Variants in REC8 observed in about 807,000 individuals in gnomAD.
REC8 encodes the protein REC8 meiotic recombination protein, also known as meiotic recombination protein REC8 homolog.
REC8 carries 42 observed loss-of-function variants against 78.3 expected under a neutral mutation model. That is an observed-to-expected ratio of 0.54 (90% CI 0.42 to 0.69). The LOEUF (loss-of-function observed/expected upper bound fraction) is 0.69, where lower values mean the gene tolerates loss of function less well. REC8 is among the 30% of genes least tolerant of loss of function. The pLI, the probability that REC8 is intolerant of heterozygous loss-of-function variation, is 0.00. For synonymous variants in REC8, 268 were observed against 274.1 expected (o/e 0.98, Z 0.22); for missense variants, 581 against 715.8 (o/e 0.81, Z 2.15).
intron 12 of REC8, 114 bp from the exon 13 acceptor site, chr14:24,178,492 G>A: frequency 8.8e-7 from 1 of 1,135,740 alleles, no homozygotes; most frequent in East Asian, 2.4e-5. Context: ...AGGGTCATGA[G>A]CGCAAAAGCT....
chr14:24,177,544 G>A lies in REC8; in HGVS notation c.814+3G>A. On this transcript the variant is annotated splice_donor_region_variant and intron_variant, in intron 10 of 18. Transcript: ENST00000611366. ...GGAACCTGGGGCCCTACTCATGGGT[G>A]AGTGCCCACCATGCCCCAGGGGCTT... The A allele has an allele frequency of 6.2e-7, 1 of 1,612,768 alleles. No homozygotes were observed. Among genetic ancestry groups the A allele is most frequent in the Non-Finnish European group, 8.5e-7 (1 of 1,179,254 alleles).
chr14:24,180,387 T>A, downstream of REC8: 1 of 1,574,114 alleles, frequency 6.4e-7, no homozygotes, highest in Non-Finnish European at 8.6e-7. Flanking sequence ...GGCTGAGAGG[T>A]GGTCTTAAGG....
intron 18 of REC8, 29 bp from the exon 19 acceptor site, chr14:24,179,981 G>T: frequency 6.2e-7 from 1 of 1,614,044 alleles, no homozygotes; most frequent in Admixed American, 1.7e-5. Flanking sequence ...GGACTCCCCC[G>T]ACCTGCCCTC....
chr14:24,180,716 T>C (rs1480111808), downstream of REC8: 2 of 1,614,006 alleles, frequency 1.2e-6, no homozygotes, highest in African/African-American at 1.3e-5. Context: ...TCAGCCAGAA[T>C]GAGGCTGCAG....
chr14:24,177,174 G>C lies in REC8; in HGVS notation c.658G>C (p.Glu220Gln). ...ERELPEVSRRELDLLIAEEEE... is the reference protein window; with the variant it reads ...ERELPEVSRRQLDLLIAEEEE... ...GGAGCTCCCAGAGGTCAGCCGCCGA[G>C]AACTGGACCTGCTGATCGCAGAGGA... is the stretch of plus-strand genomic sequence containing the variant. Residue 220 changes from glutamate to glutamine, a missense_variant, in exon 8 of 19, where the codon GAA becomes CAA. Physicochemically the swap from Glu to Gln is conservative, Grantham distance 29 (BLOSUM62 2). Transcript: ENST00000611366. The C allele has an allele frequency of 1.2e-6, 2 of 1,614,138 alleles. No individual in the cohort carries two copies. The highest frequency in any genetic ancestry group is 1.7e-6 in the Non-Finnish European group (2 of 1,180,026).
Position 24,172,417 on chromosome 14 carries a change from G to C in REC8, c.-136G>C, listed in dbSNP as rs529203297. The C allele has an allele frequency of 1.2e-6, 1 of 851,774 alleles. No homozygotes were observed. The highest frequency in any genetic ancestry group is 2.9e-5 in the Admixed American group (1 of 34,914). 52.8% of individuals were successfully genotyped at this position (851,774 alleles called of 1,614,324 possible). On this transcript the variant is annotated 5_prime_UTR_variant, in exon 1 of 19. Coordinates refer to ENST00000611366, the MANE Select transcript of REC8 (RefSeq NM_001048205.2). ...TTGCCTCATTAACTTGGCTTTCTAG[G>C]TGCACCCACCTTGCCACCAGAGAAG...
intron 5 of REC8, 127 bp downstream of exon 5, chr14:24,173,538 G>A (rs189794401): frequency 2.0e-6 from 3 of 1,522,278 alleles, no homozygotes; most frequent in Admixed American, 3.8e-5. Context: ...GATGGTGCAG[G>A]GGGACTGCCA....
chr14:24,180,628 C>A, downstream of REC8: 3 of 1,612,422 alleles, frequency 1.9e-6, no homozygotes, highest in South Asian at 1.1e-5. Flanking sequence ...CTGCCCCAGG[C>A]TCTCTGAGCC....
chr14:24,174,457 T>C (rs1450835644), intron 5 of REC8, among the ~76,000 whole-genome samples: 2 of 151,954 alleles, frequency 1.3e-5, no homozygotes, highest in African/African-American at 4.8e-5. Flanking sequence ...TTTGTATCTT[T>C]AGTAGAGATG....
At chr14:24,175,298 G>A in intron 5 of REC8, 2 of 377,824 alleles carry the variant, frequency 5.3e-6, no homozygotes, top group Admixed American at 4.0e-5. Flanking sequence ...GAGCCACCGA[G>A]CCCGGCCTTC....
At chr14:24,177,868 A>T (rs982658973) in intron 11 of REC8, 110 bp downstream of exon 11, 13 of 1,470,166 alleles carry the variant, frequency 8.8e-6, no homozygotes, top group Non-Finnish European at 1.1e-5. Flanking sequence ...CTTAATGCAG[A>T]TGATAAAAGA....
At chr14:24,178,004 G>A (rs1201187067) in intron 11 of REC8, 87 bp from the exon 12 acceptor site, 3 of 1,542,310 alleles carry the variant, frequency 1.9e-6, no homozygotes, top group Non-Finnish European at 2.6e-6. Context: ...CTAGGGGCGG[G>A]TGTGGGGTCC....
At chr14:24,172,691 C>T (rs1566627353) in intron 1 of REC8, 22 bp from the exon 2 acceptor site, 2 of 1,614,166 alleles carry the variant, frequency 1.2e-6, no homozygotes, top group Non-Finnish European at 1.7e-6. Context: ...CCCCATTCTC[C>T]CACCTTCCCC....
In REC8 at chr14:24,179,380, CT is replaced by C; in HGVS notation, c.1253-14del. The C allele has an allele frequency of 6.2e-7, 1 of 1,613,866 alleles. No individual in the cohort carries two copies. The highest frequency in any genetic ancestry group is 8.5e-7 in the Non-Finnish European group (1 of 1,179,982). On this transcript the variant is annotated splice_polypyrimidine_tract_variant and intron_variant, in intron 15 of 18. Coordinates refer to ENST00000611366, the MANE Select transcript of REC8 (RefSeq NM_001048205.2). ...CACCCAAGCAGACACCCACTAGCGC[CT>C]TTCCTCCCCCAACAGAGATCTCCCT... is the stretch of plus-strand genomic sequence containing the variant.
At chr14:24,177,114 C>T in intron 7 of REC8, 27 bp from the exon 8 acceptor site, 3 of 1,605,274 alleles carry the variant, frequency 1.9e-6, no homozygotes. Context: ...ATTGAATCCC[C>T]TCCCCTTGCT....
At chr14:24,178,524 A>T in intron 12 of REC8, 82 bp from the exon 13 acceptor site, 5 of 1,417,150 alleles carry the variant, frequency 3.5e-6, no homozygotes, top group Non-Finnish European at 4.9e-6. Context: ...GAAGCCCCAG[A>T]ACAGTGCATT....
Position 24,172,623 on chromosome 14 carries a change from C to A in REC8, c.56+15C>A. 1.9e-6 allele frequency: 3 copies of A among 1,613,148 alleles called. No homozygotes were observed. The highest frequency in any genetic ancestry group is 2.5e-6 in the Non-Finnish European group (3 of 1,179,382). On this transcript the variant is annotated intron_variant, in intron 1 of 18. Coordinates refer to ENST00000611366, the MANE Select transcript of REC8 (RefSeq NM_001048205.2). ...GCCACCATCTGGTAAGGGCGGGGCC[C>A]GTTGGCGCGCGATGGCGGACGCTGC... is the stretch of plus-strand genomic sequence containing the variant.
rs1032901218 is a variant in REC8, at chr14:24,175,767, G to A, written c.544+143G>A. Reference sequence around the variant, plus strand: ...AGGCAGAGTCTCACTCTGTTGCCCAGGCTACAGTGCAGTGGCACGATCTCG... The same window carrying A: ...AGGCAGAGTCTCACTCTGTTGCCCAAGCTACAGTGCAGTGGCACGATCTCG... On this transcript the variant is annotated intron_variant, in intron 6 of 18. Coordinates refer to ENST00000611366, the MANE Select transcript of REC8 (RefSeq NM_001048205.2). The A allele has an allele frequency of 2.1e-5, 13 of 624,968 alleles. No homozygotes were observed. In the Admixed American group the frequency reaches 3.5e-4, roughly 17 times the overall value. 38.7% of individuals were successfully genotyped at this position (624,968 alleles called of 1,614,324 possible). A position where few individuals can be genotyped will look rare whatever the true frequency, so the allele number is the denominator to read the frequency against.
intron 5 of REC8, among the ~76,000 whole-genome samples, chr14:24,173,783 T>A (rs138846376): frequency 0.012 from 1,753 of 152,336 alleles, 23 homozygotes; most frequent in Non-Finnish European, 0.018. Context: ...GTTCCCCATT[T>A]GAACAGTGGC....
Sources: gnomAD v4.1 joint callset for allele counts (sites outside exome capture counted in the v4.1 genomes callset) on GRCh38, gnomAD v4.1.1 for gene constraint, MANE v1.5 for transcripts, NCBI Gene and HGNC (gene_info 2026-07-23, HGNC 2026-07-21) for gene names.